CDH7: variants seen among roughly 807,000 people sequenced by gnomAD.
CDH7 encodes the protein cadherin-7.
In CDH7, 25 loss-of-function variants were observed where a neutral mutation model predicts 71.8. The ratio of observed to expected loss-of-function variants is 0.35; its 90% CI spans 0.25 to 0.49. The LOEUF (loss-of-function observed/expected upper bound fraction) is 0.49, where lower values mean the gene tolerates loss of function less well. Ranked by LOEUF, CDH7 falls within the 20% of genes least tolerant of loss-of-function variation. The pLI is 0.99. For missense variants in CDH7, 862 were observed against 974.6 expected (o/e 0.88, Z 1.54); for synonymous variants, 381 against 363.8 (o/e 1.05, Z -0.54).
intron 10 of CDH7, among the ~76,000 whole-genome samples, chr18:65,861,555 C>T (rs1015713191): frequency 6.6e-6 from 1 of 152,126 alleles, no homozygotes; most frequent in African/African-American, 2.4e-5. Context: ...TGAGTACCTT[C>T]TCAAATTCAT....
At chr18:65,787,535 C>T (rs550790428) in intron 2 of CDH7, among the ~76,000 whole-genome samples, 53 of 152,156 alleles carry the variant, frequency 3.5e-4, no homozygotes, top group African/African-American at 9.9e-4. Context: ...AATTTCAGGA[C>T]ATTTGGTCTA....
intron 8 of CDH7, among the ~76,000 whole-genome samples, 174 bp from the exon 9 acceptor site, chr18:65,858,747 AATAC>A (rs1442987418): frequency 5.9e-5 from 9 of 152,050 alleles, no homozygotes; most frequent in African/African-American, 1.7e-4. Flanking sequence ...CACACATACA[AATAC>A]ATACATATGA....
intron 7 of CDH7, 60 bp downstream of exon 7, chr18:65,844,125 C>G: frequency 7.0e-7 from 1 of 1,436,048 alleles, no homozygotes; most frequent in South Asian, 1.2e-5. Flanking sequence ...TTGTTCACAA[C>G]TCTTATTTTA....
At chr18:65,810,837 G>A (rs1236052321) in intron 3 of CDH7, among the ~76,000 whole-genome samples, 1 of 152,158 alleles carries the variant, frequency 6.6e-6, no homozygotes, top group Admixed American at 6.5e-5. Context: ...ACGGTAAGGA[G>A]TTACCCATTT....
chr18:65,847,044 A>G (rs1912959513), intron 7 of CDH7, among the ~76,000 whole-genome samples: 1 of 152,310 alleles, frequency 6.6e-6, no homozygotes, highest in Admixed American at 6.5e-5. Flanking sequence ...GCGTATTCCA[A>G]TAGATATAAC....
At chr18:65,781,798 C>CTTTCTAT in intron 2 of CDH7, among the ~76,000 whole-genome samples, 1 of 74,946 alleles carries the variant, frequency 1.3e-5, no homozygotes, top group African/African-American at 8.7e-5. Context: ...TTCCTTCCTT[C>CTTTCTAT]CTTCCTTCCT....
chr18:65,756,084 G>A (rs570702287), intron 1 of CDH7, among the ~76,000 whole-genome samples: 1 of 152,220 alleles, frequency 6.6e-6, no homozygotes, highest in South Asian at 2.1e-4. Context: ...GCTGTGGAAT[G>A]GTGTCATTTC....
chr18:65,853,926 T>TATATCC lies in CDH7; in HGVS notation c.1236-3886_1236-3885insCCATAT, dbSNP rs1555689502. Among the ~76,000 whole-genome samples the TATATCC allele has an allele frequency of 6.0e-3, 574 of 95,040 alleles. 20 individuals are homozygous for TATATCC. The highest frequency in any genetic ancestry group is 0.022 in the African/African-American group (552 of 24,794). 62.3% of individuals were successfully genotyped at this position (95,040 alleles called of 152,430 possible). A position where few individuals can be genotyped will look rare whatever the true frequency, so the allele number is the denominator to read the frequency against. On this transcript the variant is annotated intron_variant, in intron 7 of 11. Coordinates refer to ENST00000397968, the MANE Select transcript of CDH7 (RefSeq NM_004361.5). ...ATTACCATATATATATATATATATA[T>TATATCC]ATATATATATATATATATATATATA... is the stretch of plus-strand genomic sequence containing the variant.
rs141284865 is a variant in CDH7 at position 65,862,747 on chromosome 18, T to G, written c.1694T>G (p.Val565Gly). 1.5e-5 allele frequency: 24 copies of G among 1,613,998 alleles called. No homozygotes were observed. The highest frequency in any genetic ancestry group is 3.3e-4 in the Middle Eastern group (2 of 6,084). Residue 565 changes from valine to glycine, a missense_variant, in exon 11 of 12, where the codon GTG becomes GGG. Physicochemically the swap from Val to Gly is moderately radical, Grantham distance 109. Transcript: ENST00000397968. ...QSVYYLPIFI[V>G]DSGSPSLSST... Reference sequence around the variant, plus strand: ...GTTTACTATCTGCCAATTTTCATTGTGGACAGTGGATCTCCCTCACTTAGC... The same window carrying G: ...GTTTACTATCTGCCAATTTTCATTGGGGACAGTGGATCTCCCTCACTTAGC...
At chr18:65,840,811 A>C (rs2143982698) in intron 6 of CDH7, among the ~76,000 whole-genome samples, 1 of 152,326 alleles carries the variant, frequency 6.6e-6, no homozygotes, top group Admixed American at 6.5e-5. Context: ...ACGAACTAGT[A>C]CAATGTACTT....
chr18:65,797,147 C>T (rs932311205), intron 2 of CDH7, among the ~76,000 whole-genome samples: 10 of 152,102 alleles, frequency 6.6e-5, no homozygotes, highest in African/African-American at 2.4e-4. Context: ...ACAAAAACAA[C>T]AACAGCAACA....
chr18:65,797,666 A>G (rs2143873503), intron 2 of CDH7, among the ~76,000 whole-genome samples: 1 of 152,280 alleles, frequency 6.6e-6, no homozygotes, highest in South Asian at 2.1e-4. Context: ...TTTGTTTTTC[A>G]TTTAGAAGCA....
intron 2 of CDH7, among the ~76,000 whole-genome samples, chr18:65,790,124 G>A (rs1910658903): frequency 6.6e-6 from 1 of 151,004 alleles, no homozygotes; most frequent in Admixed American, 6.6e-5. Flanking sequence ...CAGGTGCTGA[G>A]GCAGGAGAAT....
intron 6 of CDH7, among the ~76,000 whole-genome samples, chr18:65,841,538 A>T (rs1197435958): frequency 6.6e-6 from 1 of 152,310 alleles, no homozygotes; most frequent in East Asian, 1.9e-4. Context: ...AGTAATTTTT[A>T]TAAAGAATAT....
At chr18:65,777,985 AGTGCCAGCCGGGCGTG>A (rs1910012086) in intron 2 of CDH7, among the ~76,000 whole-genome samples, 2 of 152,168 alleles carry the variant, frequency 1.3e-5, no homozygotes, top group African/African-American at 4.8e-5. Flanking sequence ...ATTTAGAACT[AGTGCCAGCCGGGCGTG>A]GTGGCTCACG....
In CDH7 at chr18:65,889,538, A is replaced by G. The variant is rs1914454082; in HGVS notation, c.*8644A>G. 6.6e-6 allele frequency: 1 copy of G among 152,232 alleles called. No individual in the cohort carries two copies. Among genetic ancestry groups the G allele is most frequent in the Admixed American group, 6.5e-5 (1 of 15,280 alleles). The allele number at this position is 152,232 out of a possible 1,614,324, so 9.4% of individuals were successfully genotyped here. A position where few individuals can be genotyped will look rare whatever the true frequency, so the allele number is the denominator to read the frequency against. On this transcript the variant is annotated 3_prime_UTR_variant, in exon 12 of 12. Coordinates refer to ENST00000397968, the MANE Select transcript of CDH7 (RefSeq NM_004361.5). Reference sequence around the variant, plus strand: ...TAACCCACCATGAAGGAGATGGTTCATAGAAATCTCCAAGAACTTCAGATA... The same window carrying G: ...TAACCCACCATGAAGGAGATGGTTCGTAGAAATCTCCAAGAACTTCAGATA...
intron 7 of CDH7, among the ~76,000 whole-genome samples, chr18:65,854,920 C>CATATAT (rs1555689652): frequency 6.9e-6 from 1 of 145,546 alleles, no homozygotes; most frequent in South Asian, 2.2e-4. Flanking sequence ...TATGTGTACA[C>CATATAT]ATATATATAT....
chr18:65,868,385 CA>C (rs1171251439), intron 11 of CDH7, among the ~76,000 whole-genome samples: 2 of 152,278 alleles, frequency 1.3e-5, no homozygotes, highest in East Asian at 3.9e-4. Context: ...AGGAAATACA[CA>C]AAAAGTTACA....
chr18:65,754,493 A>G (rs1435992554), intron 1 of CDH7, among the ~76,000 whole-genome samples: 1 of 152,250 alleles, frequency 6.6e-6, no homozygotes. Flanking sequence ...CCTTTTAAGT[A>G]CAAAAGAGAG....
Sources: gnomAD v4.1 joint callset for allele counts (sites outside exome capture counted in the v4.1 genomes callset) on GRCh38, gnomAD v4.1.1 for gene constraint, MANE v1.5 for transcripts, NCBI Gene and HGNC (gene_info 2026-07-23, HGNC 2026-07-21) for gene names.